OPCML: variants seen among roughly 807,000 people sequenced by gnomAD.
The protein encoded by OPCML is opioid-binding protein/cell adhesion molecule.
A neutral mutation model predicts 37.8 loss-of-function variants in OPCML; 13 were observed. The observed-to-expected ratio is 0.34, with a 90% CI of 0.22 to 0.55. The LOEUF is 0.55. Among genes scored for constraint, OPCML ranks in the 20% least tolerant of loss-of-function variants. OPCML has a pLI of 0.91. For synonymous variants in OPCML, 176 were observed against 168.8 expected, an observed-to-expected ratio of 1.04 and a Z score of -0.33; for missense variants, 341 against 435.6, an observed-to-expected ratio of 0.78 and a Z score of 1.93.
intron 1 of OPCML, among the ~76,000 whole-genome samples, chr11:133,181,920 G>T (rs1937850683): frequency 6.6e-6 from 1 of 152,134 alleles, no homozygotes; most frequent in Non-Finnish European, 1.5e-5. Flanking sequence ...TCCAACATCT[G>T]CCTGCACGGT....
At chr11:133,364,171 G>C (rs1944486583) in intron 1 of OPCML, among the ~76,000 whole-genome samples, 1 of 152,182 alleles carries the variant, frequency 6.6e-6, no homozygotes, top group African/African-American at 2.4e-5. Flanking sequence ...TTTGTAAAGA[G>C]CAAGTACGAC....
At chr11:133,454,433 T>C (rs548901563) in intron 1 of OPCML, among the ~76,000 whole-genome samples, 2 of 152,240 alleles carry the variant, frequency 1.3e-5, no homozygotes, top group Non-Finnish European at 2.9e-5. Context: ...TGATCTATAG[T>C]TTTTCCCCCC....
chr11:133,366,822 CT>C (rs1317658235), intron 1 of OPCML, among the ~76,000 whole-genome samples: 1 of 152,168 alleles, frequency 6.6e-6, no homozygotes, highest in Non-Finnish European at 1.5e-5. Flanking sequence ...AACTATGATT[CT>C]GTCCAAGATA....
At chr11:132,948,515 T>C (rs193291038) in intron 1 of OPCML, among the ~76,000 whole-genome samples, 2 of 152,100 alleles carry the variant, frequency 1.3e-5, no homozygotes, top group Non-Finnish European at 2.9e-5. Context: ...ATAAAAGAAA[T>C]GTGTGGGGTA....
chr11:133,294,440 G>T (rs1254557245), intron 1 of OPCML, among the ~76,000 whole-genome samples: 1 of 152,088 alleles, frequency 6.6e-6, no homozygotes, highest in African/African-American at 2.4e-5. Flanking sequence ...TCAATGTGGA[G>T]GTGGACCAAG....
chr11:132,428,458 T>C (rs1215617400), intron 7 of OPCML, among the ~76,000 whole-genome samples: 4 of 152,072 alleles, frequency 2.6e-5, no homozygotes, highest in Non-Finnish European at 1.5e-5. Context: ...AGCATAGGGG[T>C]AATCTACCAT....
At chr11:133,341,251 G>A (rs566270451) in intron 1 of OPCML, among the ~76,000 whole-genome samples, 1 of 152,288 alleles carries the variant, frequency 6.6e-6, no homozygotes, top group East Asian at 1.9e-4. Context: ...ATGAAAAAAG[G>A]TCTTGATCTA....
intron 2 of OPCML, among the ~76,000 whole-genome samples, chr11:132,763,237 C>T (rs757024687): frequency 3.9e-5 from 6 of 152,206 alleles, no homozygotes; most frequent in Admixed American, 1.3e-4. Context: ...CTGGCAGCTG[C>T]AGACCAAAGC....
At chr11:132,681,576 C>T (rs559804419) in intron 2 of OPCML, among the ~76,000 whole-genome samples, 2 of 152,136 alleles carry the variant, frequency 1.3e-5, no homozygotes, top group Non-Finnish European at 2.9e-5. Context: ...GCAATAAAAT[C>T]CTCCGCTTTC....
At chr11:133,228,092 C>T (rs370197846) in intron 1 of OPCML, among the ~76,000 whole-genome samples, 37 of 152,260 alleles carry the variant, frequency 2.4e-4, no homozygotes, top group African/African-American at 8.7e-4. Context: ...GGGAGATGTC[C>T]CATTCATTAA....
intron 1 of OPCML, among the ~76,000 whole-genome samples, chr11:133,258,171 A>C (rs975499769): frequency 2.0e-5 from 3 of 152,174 alleles, no homozygotes; most frequent in Non-Finnish European, 4.4e-5. Flanking sequence ...ACTGGCACCA[A>C]GGGCAAAGAT....
At chr11:133,071,726 C>A (rs1206344680) in intron 1 of OPCML, among the ~76,000 whole-genome samples, 1 of 152,120 alleles carries the variant, frequency 6.6e-6, no homozygotes, top group Non-Finnish European at 1.5e-5. Flanking sequence ...GTTTTAGGCC[C>A]TTTTATAGTT....
chr11:132,720,560 T>C (rs1944642460), intron 2 of OPCML, among the ~76,000 whole-genome samples: 1 of 152,256 alleles, frequency 6.6e-6, no homozygotes. Context: ...AAGTCTCCAC[T>C]AGTTCACTGG....
intron 2 of OPCML, among the ~76,000 whole-genome samples, chr11:132,930,730 T>A (rs1460986649): frequency 6.6e-6 from 1 of 152,184 alleles, no homozygotes; most frequent in African/African-American, 2.4e-5. Flanking sequence ...TGAAAAGACA[T>A]GTTGTGTTTA....
chr11:133,346,213 A>G (rs1389261147), intron 1 of OPCML, among the ~76,000 whole-genome samples: 1 of 152,198 alleles, frequency 6.6e-6, no homozygotes, highest in African/African-American at 2.4e-5. Flanking sequence ...CAACGTTACC[A>G]TTGTCCTGGG....
chr11:132,696,654 A>T (rs1420075480), intron 2 of OPCML, among the ~76,000 whole-genome samples: 1 of 152,170 alleles, frequency 6.6e-6, no homozygotes, highest in East Asian at 1.9e-4. Context: ...GAGCAAGAAG[A>T]CCATGATGGA....
In OPCML at chr11:132,420,021, ATTC is replaced by A; in HGVS notation, c.*169_*171del. ...GCCCACCCCGCCCCCAACCCCACTC[ATTC>A]AAGCTGGAAATAAAAGCAAACAAAC... is the stretch of plus-strand genomic sequence containing the variant. On this transcript the variant is annotated 3_prime_UTR_variant, in exon 8 of 8. Coordinates refer to ENST00000524381, the MANE Select transcript of OPCML (RefSeq NM_001012393.5). The A allele has an allele frequency of 2.4e-6, 1 of 410,306 alleles. No homozygotes were observed. The allele number at this position is 410,306 out of a possible 1,614,324, so 25.4% of individuals were successfully genotyped here.
chr11:132,563,693 C>T (rs2096415688), intron 3 of OPCML, among the ~76,000 whole-genome samples: 1 of 152,072 alleles, frequency 6.6e-6, no homozygotes, highest in South Asian at 2.1e-4. Flanking sequence ...CTTTCAGTGT[C>T]CACATATCCT....
intron 1 of OPCML, among the ~76,000 whole-genome samples, chr11:133,429,398 C>T (rs1946071509): frequency 6.6e-6 from 1 of 152,126 alleles, no homozygotes. Flanking sequence ...CACCATTATC[C>T]AGATTTCACT....
Sources: gnomAD v4.1 joint callset for allele counts (sites outside exome capture counted in the v4.1 genomes callset) on GRCh38, gnomAD v4.1.1 for gene constraint, MANE v1.5 for transcripts, NCBI Gene and HGNC (gene_info 2026-07-23, HGNC 2026-07-21) for gene names.